The following NRXN3 variants were observed in gnomAD, a reference collection of about 807,000 sequenced individuals.
NRXN3 encodes the protein neurexin 3.
A neutral mutation model predicts 137.6 loss-of-function variants in NRXN3; 32 were observed. The observed-to-expected ratio is 0.23, with a 90% CI of 0.18 to 0.31. The LOEUF (loss-of-function observed/expected upper bound fraction) is 0.31. Among genes scored for constraint, NRXN3 ranks in the 10% least tolerant of loss-of-function variants. The pLI is 1.00. For missense variants in NRXN3, 1,574 were observed against 2,062.5 expected (o/e 0.76, Z 4.59); for synonymous variants, 798 against 784.5 (o/e 1.02, Z -0.29).
chr14:79,042,319 G>A (rs2099626385), intron 15 of NRXN3, among the ~76,000 whole-genome samples: 1 of 152,220 alleles, frequency 6.6e-6, no homozygotes, highest in South Asian at 2.1e-4. Context: ...GCAAGCTTGA[G>A]CCAGGTTCTG....
intron 15 of NRXN3, among the ~76,000 whole-genome samples, chr14:79,207,805 A>G (rs1423770993): frequency 6.6e-6 from 1 of 152,134 alleles, no homozygotes; most frequent in Non-Finnish European, 1.5e-5. Flanking sequence ...TGGCTCCTTG[A>G]TGATAATTCA....
intron 15 of NRXN3, among the ~76,000 whole-genome samples, chr14:79,433,480 A>G (rs750401850): frequency 2.0e-5 from 3 of 152,150 alleles, no homozygotes; most frequent in Non-Finnish European, 4.4e-5. Context: ...GTGTGTGGGT[A>G]GGTCTTTGTT....
At chr14:78,571,117 C>T (rs967456274) in intron 4 of NRXN3, among the ~76,000 whole-genome samples, 7 of 152,208 alleles carry the variant, frequency 4.6e-5, no homozygotes, top group Admixed American at 3.3e-4. Flanking sequence ...ACATATGGTT[C>T]TCAGGTTCAC....
At chr14:78,359,271 C>A (rs1026616526) in intron 4 of NRXN3, among the ~76,000 whole-genome samples, 2 of 152,144 alleles carry the variant, frequency 1.3e-5, no homozygotes, top group African/African-American at 4.8e-5. Context: ...CTCAGCCCCC[C>A]AGAGAGTCTG....
At chr14:79,605,638 C>T (rs140425458) in intron 16 of NRXN3, among the ~76,000 whole-genome samples, 12 of 152,226 alleles carry the variant, frequency 7.9e-5, no homozygotes, top group Non-Finnish European at 1.0e-4. Flanking sequence ...CAGGTGTGCG[C>T]CACCACGCCC....
chr14:79,839,936 G>A (rs1228838717), intron 20 of NRXN3, among the ~76,000 whole-genome samples: 1 of 152,190 alleles, frequency 6.6e-6, no homozygotes, highest in African/African-American at 2.4e-5. Context: ...GTATCAGTAA[G>A]ATGATAATTA....
intron 10 of NRXN3, among the ~76,000 whole-genome samples, chr14:78,827,836 A>G (rs2098971370): frequency 6.6e-6 from 1 of 152,248 alleles, no homozygotes; most frequent in African/African-American, 2.4e-5. Flanking sequence ...GCTAGACCTC[A>G]TATAGTATTT....
intron 15 of NRXN3, among the ~76,000 whole-genome samples, chr14:79,454,113 C>T (rs1284061371): frequency 1.3e-5 from 2 of 151,752 alleles, no homozygotes; most frequent in Non-Finnish European, 2.9e-5. Flanking sequence ...AAGACAGAGT[C>T]TCGCTCTGTC....
chr14:79,659,269 A>G (rs1407274836), intron 16 of NRXN3, among the ~76,000 whole-genome samples: 2 of 151,694 alleles, frequency 1.3e-5, no homozygotes, highest in East Asian at 3.9e-4. Flanking sequence ...TGTTTTTAAT[A>G]TCAAGGAAGA....
At chr14:79,367,691 A>G (rs545506210) in intron 15 of NRXN3, among the ~76,000 whole-genome samples, 45 of 152,350 alleles carry the variant, frequency 3.0e-4, no homozygotes, top group African/African-American at 1.1e-3. Flanking sequence ...CACGTAGCCT[A>G]GCTTACACAC....
At chr14:79,751,955 G>A (rs980699517) in intron 19 of NRXN3, among the ~76,000 whole-genome samples, 17 of 152,256 alleles carry the variant, frequency 1.1e-4, no homozygotes, top group South Asian at 2.1e-4. Flanking sequence ...TTTTTGATGC[G>A]CTGCTGGATT....
chr14:78,217,698 G>A (rs4903726), intron 1 of NRXN3, among the ~76,000 whole-genome samples: 35,553 of 152,116 alleles, frequency 0.23, 4,332 homozygotes, highest in East Asian at 0.47. Context: ...GCCTTGCTCT[G>A]TCGCCTGGGC....
intron 15 of NRXN3, among the ~76,000 whole-genome samples, chr14:79,268,303 T>C (rs548184321): frequency 6.6e-6 from 1 of 152,366 alleles, no homozygotes; most frequent in East Asian, 1.9e-4. Context: ...GATATAACGA[T>C]GTTTTTAGAT....
chr14:79,295,160 A>T (rs971693630), intron 15 of NRXN3, among the ~76,000 whole-genome samples: 1 of 152,010 alleles, frequency 6.6e-6, no homozygotes, highest in Non-Finnish European at 1.5e-5. Flanking sequence ...CTTGGCCTTC[A>T]TCTTTTTCTT....
intron 8 of NRXN3, among the ~76,000 whole-genome samples, chr14:78,797,450 A>G (rs2098825471): frequency 6.6e-6 from 1 of 152,234 alleles, no homozygotes; most frequent in South Asian, 2.1e-4. Flanking sequence ...TATTATAAAT[A>G]TGTTCAAATA....
intron 3 of NRXN3, among the ~76,000 whole-genome samples, chr14:78,290,888 A>C (rs1182293340): frequency 2.0e-5 from 3 of 152,132 alleles, no homozygotes; most frequent in African/African-American, 7.2e-5. Flanking sequence ...GAGGAGTCTG[A>C]GTGGGTCTCA....
intron 20 of NRXN3, among the ~76,000 whole-genome samples, chr14:79,843,026 C>A (rs1238715023): frequency 6.6e-6 from 1 of 152,008 alleles, no homozygotes; most frequent in Non-Finnish European, 1.5e-5. Flanking sequence ...AGCATAAAAC[C>A]CTGCAAGTTA....
intron 15 of NRXN3, among the ~76,000 whole-genome samples, chr14:79,016,495 A>C (rs2099579428): frequency 1.3e-5 from 2 of 152,210 alleles, no homozygotes; most frequent in Non-Finnish European, 2.9e-5. Context: ...GTTTATACTC[A>C]AAGTGTGCTA....
In NRXN3 at chr14:79,012,776, C is replaced by T. The variant is rs116070740; in HGVS notation, c.3262+24635C>T. Among the ~76,000 whole-genome samples the T allele has an allele frequency of 4.4e-3, 664 of 152,168 alleles. 4 individuals are homozygous for T. Among genetic ancestry groups the T allele is most frequent in the African/African-American group, 0.015 (632 of 41,510 alleles). ...GACTTTCCTTCTGGAGCTTTCCATG[C>T]GACCGAGGAAGTGATTATACAATAG... On this transcript the variant is annotated intron_variant, in intron 15 of 20. Transcript: ENST00000335750.
Sources: allele counts gnomAD v4.1 joint callset (sites outside exome capture counted in the v4.1 genomes callset), GRCh38; gene constraint gnomAD v4.1.1; transcripts MANE v1.5; gene names NCBI Gene and HGNC (gene_info 2026-07-23, HGNC 2026-07-21).